SYT6: variants seen among roughly 807,000 people sequenced by gnomAD.
SYT6 encodes the protein synaptotagmin-6.
In SYT6, 24 loss-of-function variants were observed where a neutral mutation model predicts 38.4. The ratio of observed to expected loss-of-function variants is 0.62; its 90% CI spans 0.45 to 0.88. The LOEUF (loss-of-function observed/expected upper bound fraction) is 0.88, where lower values mean the gene tolerates loss of function less well. Ranked by LOEUF, SYT6 falls within the 40% of genes least tolerant of loss-of-function variation. SYT6 has a pLI of 0.00. For missense variants in SYT6, 611 were observed against 621.0 expected, an observed-to-expected ratio of 0.98 and a Z score of 0.17; for synonymous variants, 265 against 241.9, an observed-to-expected ratio of 1.10 and a Z score of -0.89.
intron 4 of SYT6, among the ~76,000 whole-genome samples, chr1:114,102,083 C>T (rs1466993017): frequency 1.3e-5 from 2 of 152,184 alleles, no homozygotes; most frequent in Admixed American, 6.5e-5. Context: ...AGCAGCTTCA[C>T]CATAGGCTTT....
In SYT6 at chr1:114,134,979, C is replaced by T. The variant is rs554299821; in HGVS notation, c.1071+2516G>A. ...ATATAGGTACAAGCATCAGCCTTCT[C>T]GCACCTCTTCCCCCTCTTTTGCTTG... On this transcript the variant is annotated intron_variant, in intron 3 of 7. Coordinates refer to ENST00000610222, the MANE Select transcript of SYT6 (RefSeq NM_001253772.2). Among the ~76,000 whole-genome samples the T allele has an allele frequency of 7.2e-5, 11 of 152,276 alleles. 1 individual carries two copies. The South Asian group carries it at 2.1e-3, about 29-fold the overall frequency.
chr1:114,105,559 C>T (rs1676248904), intron 3 of SYT6, among the ~76,000 whole-genome samples: 1 of 152,102 alleles, frequency 6.6e-6, no homozygotes, highest in African/African-American at 2.4e-5. Flanking sequence ...GACAGCCACC[C>T]CTCCTGCACA....
chr1:114,127,484 G>A (rs1039644201), intron 3 of SYT6, among the ~76,000 whole-genome samples: 8 of 152,164 alleles, frequency 5.3e-5, no homozygotes, highest in African/African-American at 1.4e-4. Flanking sequence ...TTAGAACCTG[G>A]GGCTGGACAC....
At chr1:114,135,408 T>A (rs1678416900) in intron 3 of SYT6, among the ~76,000 whole-genome samples, 2 of 152,136 alleles carry the variant, frequency 1.3e-5, no homozygotes. Context: ...CAAGTTTCTG[T>A]GGGTCAAAGA....
chr1:114,103,671 A>G lies in SYT6; in HGVS notation c.1122T>C (p.Thr374=), dbSNP rs34039948. 7 of 1,614,166 alleles carry G rather than the reference A, an allele frequency of 4.3e-6. No homozygotes were observed. Among genetic ancestry groups the G allele is most frequent in the Non-Finnish European group, 5.9e-6 (7 of 1,180,024 alleles). ...EIMFSLCYLP[T]AGRLTLTVIK... is the part of the protein sequence containing the mutation. ...TCACTGTGAGGGTGAGCCTGCCTGC[A>G]GTGGGCAGGTAGCAAAGGGAGAACA... Residue 374 remains threonine, a synonymous_variant, in exon 4 of 8, where the codon ACT becomes ACC. Transcript: ENST00000610222.
At chr1:114,146,832 T>G (rs1262539667) in intron 1 of SYT6, among the ~76,000 whole-genome samples, 2 of 152,244 alleles carry the variant, frequency 1.3e-5, no homozygotes, top group East Asian at 3.8e-4. Context: ...GTAACACTTC[T>G]CAGCCTCAGT....
chr1:114,138,306 T>C (rs1404593014), intron 2 of SYT6, among the ~76,000 whole-genome samples: 1 of 152,238 alleles, frequency 6.6e-6, no homozygotes, highest in Non-Finnish European at 1.5e-5. Flanking sequence ...ACTTTAGCCA[T>C]TGTTATCATA....
chr1:114,120,399 G>A (rs633258), intron 3 of SYT6, among the ~76,000 whole-genome samples: 69,850 of 151,584 alleles, frequency 0.46, 16,269 homozygotes, highest in African/African-American at 0.51. Context: ...CTTCAAGTCA[G>A]TTGTGTGGCA....
At chr1:114,126,088 A>G (rs1677713274) in intron 3 of SYT6, among the ~76,000 whole-genome samples, 1 of 148,352 alleles carries the variant, frequency 6.7e-6, no homozygotes, top group African/African-American at 2.6e-5. Flanking sequence ...TTCCTATAAA[A>G]ACCCAGAGAC....
chr1:114,110,790 G>T (rs1291466089), intron 3 of SYT6, among the ~76,000 whole-genome samples: 12 of 152,014 alleles, frequency 7.9e-5, no homozygotes, highest in Non-Finnish European at 1.5e-5. Flanking sequence ...TCCCATCCTC[G>T]CTGCACTACC....
At chr1:114,140,028 G>T (rs1329674950) in intron 1 of SYT6, 65 bp from the exon 2 acceptor site, 3 of 989,834 alleles carry the variant, frequency 3.0e-6, no homozygotes, top group East Asian at 2.6e-5. Flanking sequence ...GCGGGTGAGG[G>T]TGTTGGAGGA....
intron 3 of SYT6, among the ~76,000 whole-genome samples, chr1:114,129,612 C>CTTT (rs1388196297): frequency 3.3e-5 from 2 of 61,412 alleles, no homozygotes; most frequent in Admixed American, 3.9e-4. Context: ...TTCTTTCTTT[C>CTTT]TTTCCTTTCT....
intron 5 of SYT6, 99 bp downstream of exon 5, chr1:114,098,995 C>A: frequency 7.8e-7 from 1 of 1,280,938 alleles, no homozygotes. Flanking sequence ...AACCCTAAAG[C>A]TGAGCCCTGA....
Position 114,091,896 on chromosome 1 carries a change from G to T in SYT6, c.*238C>A, listed in dbSNP as rs1438064096. 25 of 1,013,996 alleles carry T rather than the reference G, an allele frequency of 2.5e-5. No individual in the cohort carries two copies. The highest frequency in any genetic ancestry group is 3.1e-5 in the Non-Finnish European group (21 of 685,144). The allele number at this position is 1,013,996 out of a possible 1,614,324, so 62.8% of individuals were successfully genotyped here. A position where few individuals can be genotyped will look rare whatever the true frequency, so the allele number is the denominator to read the frequency against. ...ACACAGGAGCAGGTAAGACTCTGGA[G>T]TGACGGACGGCTGCCGCTGCTGCCG... On this transcript the variant is annotated 3_prime_UTR_variant, in exon 8 of 8. Transcript: ENST00000610222.
chr1:114,112,909 G>T (rs1479652909), intron 3 of SYT6, among the ~76,000 whole-genome samples: 2 of 152,194 alleles, frequency 1.3e-5, no homozygotes, highest in Non-Finnish European at 2.9e-5. Context: ...CAGGGCTGTG[G>T]GGGCTGGGAC....
At chr1:114,092,883 C>T (rs983828048) in intron 7 of SYT6, among the ~76,000 whole-genome samples, 3 of 152,198 alleles carry the variant, frequency 2.0e-5, no homozygotes, top group Non-Finnish European at 4.4e-5. Flanking sequence ...ATATTCTTGA[C>T]CTGCCTGGGG....
chr1:114,099,287 A>C, intron 4 of SYT6, 22 bp from the exon 5 acceptor site: 1 of 1,601,838 alleles, frequency 6.2e-7, no homozygotes, highest in Non-Finnish European at 8.5e-7. Flanking sequence ...GGGACAGAGA[A>C]AAGGGAATGG....
intron 6 of SYT6, among the ~76,000 whole-genome samples, chr1:114,096,244 C>T (rs1193130169): frequency 6.6e-6 from 1 of 152,080 alleles, no homozygotes; most frequent in Non-Finnish European, 1.5e-5. Flanking sequence ...CTCACCCACA[C>T]TCTGCAGAAA....
In SYT6 at chr1:114,152,005, G is replaced by T. The variant is rs552191207; in HGVS notation, c.163+1605C>A. On this transcript the variant is annotated intron_variant, in intron 1 of 7. Transcript: ENST00000610222. Reference sequence around the variant, plus strand: ...CATTGCCACAACTAGGGACAGCAGCGCCTCCTACGACCCTCACAGGGCTCA... The same window carrying T: ...CATTGCCACAACTAGGGACAGCAGCTCCTCCTACGACCCTCACAGGGCTCA... Among the ~76,000 whole-genome samples the T allele has an allele frequency of 3.9e-5, 6 of 152,176 alleles. No homozygotes were observed. The South Asian group carries it at 1.2e-3, about 32-fold the overall frequency.
Sources: gnomAD v4.1 joint callset for allele counts (sites outside exome capture counted in the v4.1 genomes callset) on GRCh38, gnomAD v4.1.1 for gene constraint, MANE v1.5 for transcripts, NCBI Gene and HGNC (gene_info 2026-07-23, HGNC 2026-07-21) for gene names.